TJP1: variants seen among roughly 807,000 people sequenced by gnomAD.
The protein encoded by TJP1 is tight junction protein ZO-1.
Under a neutral mutation model 194.2 loss-of-function variants are expected in TJP1, and 43 were observed. The ratio of observed to expected loss-of-function variants is 0.22; its 90% CI spans 0.17 to 0.29. The LOEUF (loss-of-function observed/expected upper bound fraction) is 0.29, where lower values mean the gene tolerates loss of function less well. Ranked by LOEUF, TJP1 falls within the 10% of genes least tolerant of loss-of-function variation. The probability of loss-of-function intolerance (pLI) is 1.00; values close to 1 mark genes in which losing one functional copy is unlikely to be tolerated. For missense variants in TJP1, 1,971 were observed against 2,185.7 expected (o/e 0.90, Z 1.96); for synonymous variants, 801 against 779.0 (o/e 1.03, Z -0.47).
At chr15:29,949,223 TTCACCA>T (rs1403703071) in intron 2 of TJP1, among the ~76,000 whole-genome samples, 1 of 76,704 alleles carries the variant, frequency 1.3e-5, no homozygotes. Context: ...CACCTCCACT[TTCACCA>T]CCACTACCTC....
chr15:29,913,109 T>C, intron 2 of TJP1, among the ~76,000 whole-genome samples: 1 of 151,512 alleles, frequency 6.6e-6, no homozygotes, highest in Middle Eastern at 3.4e-3. Context: ...GCACAAGCAG[T>C]CAAAAAGTTC....
At chr15:29,829,033 T>G (rs1202481743) in intron 2 of TJP1, among the ~76,000 whole-genome samples, 1 of 152,336 alleles carries the variant, frequency 6.6e-6, no homozygotes, top group East Asian at 1.9e-4. Context: ...ATTACAGGCA[T>G]GAGCCACCAT....
intron 6 of TJP1, 91 bp downstream of exon 6, chr15:29,762,244 A>T (rs936265357): frequency 9.2e-7 from 1 of 1,081,576 alleles, no homozygotes; most frequent in Non-Finnish European, 1.3e-6. Context: ...TCTCTTTGGC[A>T]AAACTGCTTC....
At chr15:29,703,279 G>A (rs974295646) in intron 27 of TJP1, among the ~76,000 whole-genome samples, 1 of 151,902 alleles carries the variant, frequency 6.6e-6, no homozygotes, top group East Asian at 2.0e-4. Context: ...GTGAAACCCC[G>A]TCTCTACTAA....
chr15:29,864,613 A>G (rs200213274), intron 2 of TJP1, among the ~76,000 whole-genome samples: 6 of 152,272 alleles, frequency 3.9e-5, no homozygotes, highest in African/African-American at 1.4e-4. Context: ...TCTCACCCAT[A>G]TAAGAGGAAA....
chr15:29,700,064 T>C, downstream of TJP1: 1 of 382,108 alleles, frequency 2.6e-6, no homozygotes, highest in Non-Finnish European at 4.6e-6. Context: ...TGACGCTGGG[T>C]GATAGGGATT....
At chr15:29,769,636 C>T (rs976950108) in intron 4 of TJP1, among the ~76,000 whole-genome samples, 6 of 152,062 alleles carry the variant, frequency 3.9e-5, no homozygotes, top group East Asian at 1.9e-4. Flanking sequence ...ACGGACAGCA[C>T]GTACTGCAGG....
At chr15:29,867,865 G>A (rs2052362192) in intron 2 of TJP1, among the ~76,000 whole-genome samples, 1 of 152,088 alleles carries the variant, frequency 6.6e-6, no homozygotes. Flanking sequence ...AGACCAGCCT[G>A]GACAACATAG....
At chr15:29,789,489 C>G (rs1386372260) in intron 2 of TJP1, among the ~76,000 whole-genome samples, 1 of 152,062 alleles carries the variant, frequency 6.6e-6, no homozygotes, top group Non-Finnish European at 1.5e-5. Flanking sequence ...TACAACAGTG[C>G]TTGGCATACA....
Position 29,720,347 on chromosome 15 carries a change from TTGC to T in TJP1, c.2763+8_2763+10del. The T allele has an allele frequency of 6.5e-7, 1 of 1,546,374 alleles. No individual in the cohort carries two copies. The highest frequency in any genetic ancestry group is 8.7e-7 in the Non-Finnish European group (1 of 1,148,878). ...CCTCTATCTACAAAACGTTGAATGC[TTGC>T]TGCTTACCTGTTGAGAGGCTGGCTT... On this transcript the variant is annotated splice_region_variant and intron_variant, in intron 19 of 27. Transcript: ENST00000614355.
intron 26 of TJP1, 59 bp downstream of exon 26, chr15:29,705,469 A>C: frequency 1.3e-6 from 2 of 1,537,972 alleles, no homozygotes; most frequent in Non-Finnish European, 1.8e-6. Flanking sequence ...TAAGCTCTGA[A>C]GTGCACACAG....
At chr15:29,946,522 C>T (rs895971202) in intron 2 of TJP1, among the ~76,000 whole-genome samples, 1 of 152,230 alleles carries the variant, frequency 6.6e-6, no homozygotes, top group Non-Finnish European at 1.5e-5. Context: ...CTCTGAGAAG[C>T]ACAGCATCAT....
rs1343590205 is a variant in TJP1 at position 29,708,750 on chromosome 15, C to A, written c.4659G>T (p.Leu1553=). 1.2e-6 allele frequency: 2 copies of A among 1,614,196 alleles called. No individual in the cohort carries two copies. Among genetic ancestry groups the A allele is most frequent in the Non-Finnish European group, 1.7e-6 (2 of 1,180,044 alleles). Residue 1553 remains leucine, a synonymous_variant, in exon 25 of 28, where the codon CTG becomes CTT. Coordinates refer to ENST00000614355, the MANE Select transcript of TJP1 (RefSeq NM_001330239.4). ...FESPKFNHNL[L]PSETAHKPDL... ...CAGGTTTATGTGCAGTTTCACTTGG[C>A]AGAAGATTGTGATTGAATTTAGGAC...
intron 2 of TJP1, among the ~76,000 whole-genome samples, chr15:29,863,735 G>A (rs529133241): frequency 6.6e-6 from 1 of 152,260 alleles, no homozygotes; most frequent in Non-Finnish European, 1.5e-5. Context: ...CTCTTTGGTG[G>A]TAGAGAACAC....
chr15:29,813,068 T>C (rs1446735592), intron 1 of TJP1, among the ~76,000 whole-genome samples: 1 of 152,146 alleles, frequency 6.6e-6, no homozygotes, highest in Non-Finnish European at 1.5e-5. Flanking sequence ...ACTTCCACAA[T>C]TATATTTTGA....
intron 3 of TJP1, 151 bp downstream of exon 3, chr15:29,773,082 T>C (rs2046794592): frequency 1.1e-6 from 1 of 903,538 alleles, no homozygotes; most frequent in Admixed American, 3.2e-5. Context: ...TCCCTCTTAA[T>C]ATATGTTAAT....
intron 2 of TJP1, among the ~76,000 whole-genome samples, chr15:29,853,264 G>C (rs1014090841): frequency 4.6e-5 from 7 of 152,192 alleles, no homozygotes; most frequent in African/African-American, 1.7e-4. Context: ...AGAGGGGCTG[G>C]AGGAACATGT....
At chr15:29,933,923 CTAGGTAAACT>C (rs1265714881) in intron 2 of TJP1, among the ~76,000 whole-genome samples, 1 of 152,046 alleles carries the variant, frequency 6.6e-6, no homozygotes, top group Non-Finnish European at 1.5e-5. Context: ...AAACCTCTGG[CTAGGTAAACT>C]TAGTAATTTT....
At chr15:29,796,660 A>G (rs2048432687) in intron 2 of TJP1, among the ~76,000 whole-genome samples, 2 of 152,368 alleles carry the variant, frequency 1.3e-5, no homozygotes, top group African/African-American at 4.8e-5. Context: ...GGGAAGGAAG[A>G]TAAAAGTTGA....
Sources: gnomAD v4.1 joint callset for allele counts (sites outside exome capture counted in the v4.1 genomes callset) on GRCh38, gnomAD v4.1.1 for gene constraint, MANE v1.5 for transcripts, NCBI Gene and HGNC (gene_info 2026-07-23, HGNC 2026-07-21) for gene names.